CACNG2: variants seen among roughly 807,000 people sequenced by gnomAD.
The protein encoded by CACNG2 is calcium voltage-gated channel auxiliary subunit gamma 2, also known as voltage-dependent calcium channel gamma-2 subunit.
In CACNG2, 3 loss-of-function variants were observed where a neutral mutation model predicts 25.9. That is an observed-to-expected ratio of 0.12 (90% CI 0.05 to 0.30). The LOEUF is 0.30. Ranked by LOEUF, CACNG2 falls within the 10% of genes least tolerant of loss-of-function variation. The pLI, the probability that CACNG2 is intolerant of heterozygous loss-of-function variation, is 1.00. For missense variants in CACNG2, 341 were observed against 432.5 expected (o/e 0.79, Z 1.88); for synonymous variants, 167 against 173.3 (o/e 0.96, Z 0.29).
At chr22:36,622,130 G>T (rs888089894) in intron 1 of CACNG2, among the ~76,000 whole-genome samples, 1 of 152,230 alleles carries the variant, frequency 6.6e-6, no homozygotes. Context: ...AGTGACTTGT[G>T]CACACTTGTT....
intron 1 of CACNG2, among the ~76,000 whole-genome samples, chr22:36,679,194 C>A: frequency 1.5e-5 from 1 of 67,816 alleles, no homozygotes; most frequent in East Asian, 4.3e-4. Flanking sequence ...TCCTTCCTTC[C>A]TTCCTTTCTT....
intron 2 of CACNG2, among the ~76,000 whole-genome samples, chr22:36,586,852 A>C (rs926222187): frequency 6.6e-6 from 1 of 152,170 alleles, no homozygotes; most frequent in Non-Finnish European, 1.5e-5. Flanking sequence ...GAGCCTCAGA[A>C]TGCTTTCTCT....
intron 1 of CACNG2, among the ~76,000 whole-genome samples, chr22:36,694,008 G>A (rs1320861330): frequency 6.6e-6 from 1 of 152,154 alleles, no homozygotes; most frequent in Non-Finnish European, 1.5e-5. Context: ...AACAGTTGTT[G>A]GAAAAGAGCA....
At chr22:36,648,817 G>A (rs1936566883) in intron 1 of CACNG2, among the ~76,000 whole-genome samples, 3 of 151,908 alleles carry the variant, frequency 2.0e-5, no homozygotes, top group South Asian at 4.2e-4. Context: ...ATCCATCAGC[G>A]AGTCTTGTCT....
chr22:36,616,038 G>T (rs1310659422), intron 1 of CACNG2, among the ~76,000 whole-genome samples: 2 of 104,388 alleles, frequency 1.9e-5, no homozygotes, highest in Non-Finnish European at 5.0e-5. Context: ...AAAATCATTT[G>T]CCCCAAAGAC....
intron 1 of CACNG2, among the ~76,000 whole-genome samples, chr22:36,632,211 C>T (rs892963322): frequency 4.6e-5 from 7 of 151,450 alleles, no homozygotes; most frequent in Middle Eastern, 3.2e-3. Flanking sequence ...CATTTTATGT[C>T]GGCTGCCCCA....
intron 1 of CACNG2, among the ~76,000 whole-genome samples, chr22:36,641,317 C>T (rs1411368230): frequency 3.3e-5 from 5 of 152,298 alleles, no homozygotes; most frequent in Non-Finnish European, 7.4e-5. Flanking sequence ...AGCACAGTGC[C>T]TGGCTCAGTG....
At chr22:36,570,079 C>G (rs1048958421) in intron 2 of CACNG2, among the ~76,000 whole-genome samples, 2 of 152,220 alleles carry the variant, frequency 1.3e-5, no homozygotes, top group Non-Finnish European at 2.9e-5. Flanking sequence ...GCCCTCACAG[C>G]AAATGGACTC....
intron 2 of CACNG2, among the ~76,000 whole-genome samples, chr22:36,567,253 T>C (rs1935141540): frequency 6.6e-6 from 1 of 152,232 alleles, no homozygotes; most frequent in Non-Finnish European, 1.5e-5. Context: ...ATAATAAACA[T>C]TCAATGCATG....
chr22:36,688,539 C>CAA (rs35964599), intron 1 of CACNG2, among the ~76,000 whole-genome samples: 2,318 of 69,964 alleles, frequency 0.033, 101 homozygotes, highest in African/African-American at 0.11. Flanking sequence ...GACCCTGTCT[C>CAA]AAAAAAAAAA....
intron 1 of CACNG2, among the ~76,000 whole-genome samples, chr22:36,685,528 A>T (rs1047908288): frequency 2.0e-5 from 3 of 151,558 alleles, no homozygotes; most frequent in African/African-American, 4.9e-5. Flanking sequence ...CACCCACACC[A>T]CACGTTCTGC....
chr22:36,589,001 TTC>T (rs1491270490), intron 1 of CACNG2, among the ~76,000 whole-genome samples: 3,572 of 131,156 alleles, frequency 0.027, 161 homozygotes, highest in African/African-American at 0.099. Context: ...TTTTTTTTTT[TTC>T]CCCCTGAAAT....
intron 1 of CACNG2, among the ~76,000 whole-genome samples, chr22:36,667,751 G>A (rs1188630999): frequency 1.3e-5 from 2 of 152,154 alleles, no homozygotes; most frequent in African/African-American, 2.4e-5. Flanking sequence ...TAAAGCAAGG[G>A]TTCGTGTTTC....
In CACNG2 at chr22:36,702,651, C is replaced by T; in HGVS notation, c.-75G>A. ...GTGTGTGAGGGTGCAAGTACTAAAG[C>T]CAAAAAAAATAAATAAAAATAAAAA... On this transcript the variant is annotated 5_prime_UTR_variant, in exon 1 of 4. Coordinates refer to ENST00000300105, the MANE Select transcript of CACNG2 (RefSeq NM_006078.5). The T allele has an allele frequency of 9.2e-6, 10 of 1,086,826 alleles. No individual in the cohort carries two copies. The South Asian group carries it at 1.3e-4, about 14-fold the overall frequency. 67.3% of individuals were successfully genotyped at this position (1,086,826 alleles called of 1,614,324 possible). A position where few individuals can be genotyped will look rare whatever the true frequency, so the allele number is the denominator to read the frequency against.
At chr22:36,605,893 T>C (rs1935824000) in intron 1 of CACNG2, among the ~76,000 whole-genome samples, 1 of 152,166 alleles carries the variant, frequency 6.6e-6, no homozygotes, top group Non-Finnish European at 1.5e-5. Context: ...ACAGGATGGT[T>C]CAAATGACTC....
intron 1 of CACNG2, among the ~76,000 whole-genome samples, chr22:36,677,794 G>A (rs988420469): frequency 1.3e-5 from 2 of 152,236 alleles, no homozygotes; most frequent in African/African-American, 4.8e-5. Flanking sequence ...TCCATAGAGT[G>A]TCACAGCAGA....
At chr22:36,667,746 C>T (rs1936894110) in intron 1 of CACNG2, among the ~76,000 whole-genome samples, 1 of 152,116 alleles carries the variant, frequency 6.6e-6, no homozygotes, top group Admixed American at 6.5e-5. Flanking sequence ...AGGCATAAAG[C>T]AAGGGTTCGT....
intron 1 of CACNG2, among the ~76,000 whole-genome samples, chr22:36,616,818 T>C (rs2075521154): frequency 6.6e-6 from 1 of 152,244 alleles, no homozygotes; most frequent in South Asian, 2.1e-4. Context: ...AAGTCTTTCC[T>C]GACTAATGCA....
chr22:36,639,436 A>G (rs1478321891), intron 1 of CACNG2, among the ~76,000 whole-genome samples: 1 of 152,154 alleles, frequency 6.6e-6, no homozygotes. Context: ...GTGTGAGAGC[A>G]AAGAGGGACT....
Sources: gnomAD v4.1 joint callset for allele counts (sites outside exome capture counted in the v4.1 genomes callset) on GRCh38, gnomAD v4.1.1 for gene constraint, MANE v1.5 for transcripts, NCBI Gene and HGNC (gene_info 2026-07-23, HGNC 2026-07-21) for gene names.